Variants in TRPC4AP observed in about 807,000 individuals in gnomAD.
TRPC4AP encodes the protein transient receptor potential cation channel subfamily C member 4 associated protein.
A neutral mutation model predicts 99.0 loss-of-function variants in TRPC4AP; 45 were observed. The observed-to-expected ratio is 0.45, with a 90% CI of 0.36 to 0.58. The LOEUF (loss-of-function observed/expected upper bound fraction) is 0.58, where lower values mean the gene tolerates loss of function less well. Ranked by LOEUF, TRPC4AP falls within the 20% of genes least tolerant of loss-of-function variation. The pLI is 0.00. For synonymous variants in TRPC4AP, 408 were observed against 385.8 expected (o/e 1.06, Z -0.67); for missense variants, 879 against 985.3 (o/e 0.89, Z 1.44).
At chr20:35,087,074 A>AATC (rs1053694422) in intron 1 of TRPC4AP, among the ~76,000 whole-genome samples, 3 of 151,458 alleles carry the variant, frequency 2.0e-5, no homozygotes, top group Admixed American at 2.0e-4. Flanking sequence ...TCACACCTGT[A>AATC]ATCCCAGCAC....
chr20:35,012,796 T>C (rs2082667028), intron 11 of TRPC4AP, among the ~76,000 whole-genome samples: 1 of 152,150 alleles, frequency 6.6e-6, no homozygotes, highest in African/African-American at 2.4e-5. Flanking sequence ...CTATGAGGGT[T>C]AGAAGAAAGC....
intron 10 of TRPC4AP, among the ~76,000 whole-genome samples, chr20:35,014,320 T>A (rs1355790841): frequency 7.0e-6 from 1 of 143,002 alleles, no homozygotes; most frequent in Non-Finnish European, 1.5e-5. Flanking sequence ...CAGAATTTTT[T>A]TTTTTTTTTT....
At chr20:35,015,246 C>A (rs2082723140) in intron 10 of TRPC4AP, among the ~76,000 whole-genome samples, 1 of 151,960 alleles carries the variant, frequency 6.6e-6, no homozygotes, top group Non-Finnish European at 1.5e-5. Flanking sequence ...AGTGATCTGC[C>A]CGCCTTGGCC....
At chr20:35,058,326 A>G (rs1464803467) in intron 3 of TRPC4AP, among the ~76,000 whole-genome samples, 1 of 152,222 alleles carries the variant, frequency 6.6e-6, no homozygotes, top group Admixed American at 6.5e-5. Flanking sequence ...CATCTACAGA[A>G]CACTCCATGC....
intron 1 of TRPC4AP, among the ~76,000 whole-genome samples, chr20:35,083,928 C>T (rs1000845200): frequency 6.7e-6 from 1 of 149,882 alleles, no homozygotes; most frequent in African/African-American, 2.5e-5. Context: ...TGCTAAACTG[C>T]AGTAGGGGAA....
At chr20:35,059,280 C>G (rs766688071) in intron 3 of TRPC4AP, among the ~76,000 whole-genome samples, 5 of 152,112 alleles carry the variant, frequency 3.3e-5, no homozygotes, top group Non-Finnish European at 5.9e-5. Context: ...TAAGGAACTA[C>G]TATGAACAAC....
intron 8 of TRPC4AP, among the ~76,000 whole-genome samples, chr20:35,029,930 C>A (rs1299788040): frequency 5.7e-5 from 7 of 123,062 alleles, no homozygotes; most frequent in African/African-American, 2.1e-4. Context: ...GCCACCGCGC[C>A]CAGCCCCAAG....
intron 8 of TRPC4AP, among the ~76,000 whole-genome samples, chr20:35,024,821 G>A (rs1381408150): frequency 2.2e-4 from 8 of 36,156 alleles, no homozygotes; most frequent in Non-Finnish European, 4.3e-4. Flanking sequence ...GAGAGAGACC[G>A]TCTCAAAAAA....
Position 35,092,800 on chromosome 20 carries a change from CAG to C in TRPC4AP, c.-21_-20del, listed in dbSNP as rs770409071. On this transcript the variant is annotated 5_prime_UTR_variant, in exon 1 of 19. Transcript: ENST00000252015. The stretch of plus-strand genomic sequence containing the variant: ...CCGCCATGTCTCCTCGTCGGACAAA[CAG>C]GAAGCAAGCGGCCTCGGGGCCGCGG... The C allele has an allele frequency of 6.6e-7, 1 of 1,509,998 alleles. No homozygotes were observed. The highest frequency in any genetic ancestry group is 8.8e-7 in the Non-Finnish European group (1 of 1,140,942). 93.5% of individuals were successfully genotyped at this position (1,509,998 alleles called of 1,614,324 possible).
chr20:35,035,344 A>T, intron 7 of TRPC4AP, 36 bp from the exon 8 acceptor site: 1 of 1,599,982 alleles, frequency 6.3e-7, no homozygotes. Context: ...AATTTTCAAA[A>T]TAGAGACCAG....
intron 8 of TRPC4AP, among the ~76,000 whole-genome samples, chr20:35,025,055 CTT>C (rs1489735463): frequency 6.6e-6 from 1 of 152,056 alleles, no homozygotes; most frequent in Non-Finnish European, 1.5e-5. Flanking sequence ...CTGCTAGACT[CTT>C]TTCTAAAGTG....
At chr20:35,018,386 A>T (rs1357906962) in intron 9 of TRPC4AP, among the ~76,000 whole-genome samples, 2 of 152,166 alleles carry the variant, frequency 1.3e-5, no homozygotes, top group African/African-American at 4.8e-5. Context: ...ACTTGAGGCC[A>T]GGAGTTTCAG....
At position 35,044,640 on chromosome 20, in the gene TRPC4AP, T is replaced by C. The variant is rs758640916; in HGVS notation, c.730A>G (p.Asn244Asp). 7.4e-6 allele frequency: 12 copies of C among 1,614,154 alleles called. No individual in the cohort carries two copies. In the Admixed American group the frequency reaches 1.2e-4, roughly 16 times the overall value. Residue 244 changes from asparagine (N) to aspartate (D), a missense_variant, in exon 7 of 19, where the codon AAT (asparagine) becomes GAT (aspartate). Around this residue, in one of 3 missense-constraint regions of TRPC4AP, gnomAD observed 603 missense variants for 631.8 expected, o/e 0.95. Coordinates refer to ENST00000252015, the MANE Select transcript of TRPC4AP (RefSeq NM_015638.3). ...GTGACAGCCAGAATCCGGCAGAAAT[T>C]AGCGAGCTGCTGCTGATCGAAATTG... Reference protein sequence around the residue: ...VSNFDQQQLANFCRILAVTIS... With the variant: ...VSNFDQQQLADFCRILAVTIS...
intron 7 of TRPC4AP, among the ~76,000 whole-genome samples, chr20:35,038,564 A>G (rs899115973): frequency 2.0e-5 from 3 of 150,426 alleles, no homozygotes; most frequent in African/African-American, 7.3e-5. Flanking sequence ...CACTTATTTT[A>G]TATTACCTAT....
In TRPC4AP at chr20:35,003,138, G is replaced by A; in HGVS notation, c.*8C>T. Reference sequence around the variant, plus strand: ...TGGCCCAGCAGCCTCCCGAGGCCTGGCCCAAGGTCACTCCTCAGTGAAGTC... The same window carrying A: ...TGGCCCAGCAGCCTCCCGAGGCCTGACCCAAGGTCACTCCTCAGTGAAGTC... On this transcript the variant is annotated 3_prime_UTR_variant, in exon 19 of 19. Transcript: ENST00000252015. The A allele has an allele frequency of 1.2e-6, 2 of 1,613,968 alleles. No individual in the cohort carries two copies. The highest frequency in any genetic ancestry group is 2.2e-5 in the East Asian group (1 of 44,886).
chr20:35,059,763 AGAC>A (rs1433799939), intron 3 of TRPC4AP, among the ~76,000 whole-genome samples: 4 of 142,958 alleles, frequency 2.8e-5, no homozygotes, highest in South Asian at 2.3e-4. Context: ...AAGACGAAGA[AGAC>A]GACGAAGACA....
chr20:35,042,552 G>A (rs1354080764), intron 7 of TRPC4AP, among the ~76,000 whole-genome samples: 1 of 152,126 alleles, frequency 6.6e-6, no homozygotes, highest in Non-Finnish European at 1.5e-5. Flanking sequence ...GCTTTTTAAT[G>A]ATACATTTGT....
At chr20:35,077,221 G>T (rs1412200586) in intron 2 of TRPC4AP, among the ~76,000 whole-genome samples, 1 of 152,150 alleles carries the variant, frequency 6.6e-6, no homozygotes, top group African/African-American at 2.4e-5. Context: ...CCCAGGTGAG[G>T]CAATGCCCCG....
At chr20:35,049,057 G>A (rs1157652265) in intron 6 of TRPC4AP, among the ~76,000 whole-genome samples, 1 of 152,144 alleles carries the variant, frequency 6.6e-6, no homozygotes, top group Non-Finnish European at 1.5e-5. Context: ...TGCTCAACAG[G>A]AAGAGAAAGA....
Sources: allele counts gnomAD v4.1 joint callset (sites outside exome capture counted in the v4.1 genomes callset), GRCh38; gene constraint gnomAD v4.1.1; regional missense constraint gnomAD v4.1.1; transcripts MANE v1.5; gene names NCBI Gene and HGNC (gene_info 2026-07-23, HGNC 2026-07-21).